DYM: variants seen among roughly 807,000 people sequenced by gnomAD.
DYM encodes dyggve-Melchior-Clausen syndrome protein.
In DYM, 78 loss-of-function variants were observed where a neutral mutation model predicts 93.1. The ratio of observed to expected loss-of-function variants is 0.84; its 90% CI spans 0.70 to 1.01. The LOEUF is 1.01. Among genes scored for constraint, DYM ranks in the 50% least tolerant of loss-of-function variants. The pLI is 0.00. For missense variants in DYM, 789 were observed against 845.0 expected (o/e 0.93, Z 0.82); for synonymous variants, 321 against 319.7 (o/e 1.00, Z -0.04).
At chr18:49,189,781 T>A (rs2090797276) in intron 14 of DYM, among the ~76,000 whole-genome samples, 1 of 152,128 alleles carries the variant, frequency 6.6e-6, no homozygotes, top group Admixed American at 6.5e-5. Context: ...GAAAACTAGA[T>A]GGTGAGGGTG....
At chr18:49,455,013 T>TA (rs1342509930) in intron 1 of DYM, among the ~76,000 whole-genome samples, 1 of 151,814 alleles carries the variant, frequency 6.6e-6, no homozygotes, top group African/African-American at 2.4e-5. Context: ...TCCTTTCTTC[T>TA]ATTAGACTTT....
At chr18:49,435,609 G>A (rs564847723) in intron 1 of DYM, among the ~76,000 whole-genome samples, 18 of 152,088 alleles carry the variant, frequency 1.2e-4, no homozygotes, top group African/African-American at 3.9e-4. Context: ...CCAACATAGT[G>A]AAACCCCATC....
At chr18:49,440,958 ATATTATATT>A in intron 1 of DYM, among the ~76,000 whole-genome samples, 1 of 154 alleles carries the variant, frequency 6.5e-3, no homozygotes, top group Non-Finnish European at 0.017. Context: ...TTATATAAAT[ATATTATATT>A]TATATAATAT....
At chr18:49,424,038 C>T (rs1159675156) in intron 2 of DYM, among the ~76,000 whole-genome samples, 1 of 150,294 alleles carries the variant, frequency 6.7e-6, no homozygotes, top group African/African-American at 2.4e-5. Context: ...TCCTCCCTAA[C>T]TCATTTTATG....
At chr18:49,233,604 G>T (rs1351291033) in intron 13 of DYM, among the ~76,000 whole-genome samples, 1 of 152,148 alleles carries the variant, frequency 6.6e-6, no homozygotes, top group African/African-American at 2.4e-5. Flanking sequence ...CAGTTTGCTG[G>T]TTTCCAATGA....
At chr18:49,318,382 G>A (rs1229692753) in intron 8 of DYM, among the ~76,000 whole-genome samples, 1 of 152,194 alleles carries the variant, frequency 6.6e-6, no homozygotes. Context: ...CACTTTGGGA[G>A]GCCAAGGCAG....
At chr18:49,410,317 C>T (rs1043188365) in intron 2 of DYM, among the ~76,000 whole-genome samples, 20 of 151,942 alleles carry the variant, frequency 1.3e-4, no homozygotes, top group Admixed American at 8.5e-4. Flanking sequence ...TGCCTTGACC[C>T]CCAAAGTACT....
intron 16 of DYM, among the ~76,000 whole-genome samples, chr18:49,104,372 A>G (rs915403502): frequency 6.6e-6 from 1 of 152,140 alleles, no homozygotes; most frequent in Non-Finnish European, 1.5e-5. Flanking sequence ...GGACAATTTG[A>G]CTTCCTCTTT....
chr18:49,266,103 A>G (rs2094566243), intron 11 of DYM, among the ~76,000 whole-genome samples: 1 of 152,122 alleles, frequency 6.6e-6, no homozygotes, highest in South Asian at 2.1e-4. Flanking sequence ...CTCTGTCTCA[A>G]AAAAATTTTT....
In DYM at chr18:49,378,995, C is replaced by T. The variant is rs1317889650; in HGVS notation, c.288-295G>A. Among the ~76,000 whole-genome samples the T allele has an allele frequency of 3.3e-5, 5 of 151,960 alleles. No homozygotes were observed. In the East Asian group the frequency reaches 5.8e-4, roughly 18 times the overall value. ...TCTTAATAGGTATACCACGTACATG[C>T]GATTAAAAGAGAAGAAAGCTACCAA... On this transcript the variant is annotated intron_variant, in intron 4 of 17. Coordinates refer to ENST00000675505, the MANE Select transcript of DYM (RefSeq NM_001353214.3).
intron 17 of DYM, among the ~76,000 whole-genome samples, chr18:49,063,666 G>A (rs183550892): frequency 1.1e-4 from 14 of 124,168 alleles, no homozygotes; most frequent in Admixed American, 7.2e-4. Flanking sequence ...AGCTCTTGTC[G>A]CCCAGGATGG....
chr18:49,355,727 AT>A (rs1313514850), intron 6 of DYM, among the ~76,000 whole-genome samples: 43 of 151,942 alleles, frequency 2.8e-4, no homozygotes, highest in Middle Eastern at 3.4e-3. Flanking sequence ...CAAACAACTA[AT>A]TTTTTTTCTT....
chr18:49,393,786 T>C (rs1042498406), intron 2 of DYM: 1 of 151,548 alleles, frequency 6.6e-6, no homozygotes, highest in Admixed American at 6.6e-5. Context: ...AAAATAATAA[T>C]AAAAATAAAT....
intron 14 of DYM, among the ~76,000 whole-genome samples, chr18:49,178,060 C>T (rs949988963): frequency 6.6e-6 from 1 of 152,028 alleles, no homozygotes; most frequent in Non-Finnish European, 1.5e-5. Context: ...AAACCGAAAC[C>T]ACAAAGAGAG....
intron 11 of DYM, among the ~76,000 whole-genome samples, chr18:49,271,489 T>G (rs1175377604): frequency 6.6e-6 from 1 of 152,132 alleles, no homozygotes; most frequent in Non-Finnish European, 1.5e-5. Flanking sequence ...AGTTAATGTC[T>G]GCAACTGAAA....
At chr18:49,293,448 A>T (rs1331142512) in intron 8 of DYM, among the ~76,000 whole-genome samples, 1 of 152,182 alleles carries the variant, frequency 6.6e-6, no homozygotes, top group African/African-American at 2.4e-5. Flanking sequence ...CACCAACAGT[A>T]TAAAAGCATT....
At chr18:49,195,432 G>T (rs968972615) in intron 14 of DYM, among the ~76,000 whole-genome samples, 4 of 152,002 alleles carry the variant, frequency 2.6e-5, no homozygotes. Context: ...CTAGTTTTTT[G>T]AGAATATACA....
At chr18:49,371,995 GA>G (rs1425502693) in intron 5 of DYM, among the ~76,000 whole-genome samples, 1 of 152,074 alleles carries the variant, frequency 6.6e-6, no homozygotes, top group Admixed American at 6.5e-5. Flanking sequence ...TTGGAATAAA[GA>G]AAAAAATGCT....
chr18:49,224,222 GGA>G (rs1399244674), intron 13 of DYM, among the ~76,000 whole-genome samples: 1 of 152,026 alleles, frequency 6.6e-6, no homozygotes, highest in Non-Finnish European at 1.5e-5. Context: ...CGGCAACAGA[GGA>G]AGAGGATCAA....
Sources: allele counts gnomAD v4.1 joint callset (sites outside exome capture counted in the v4.1 genomes callset), GRCh38; gene constraint gnomAD v4.1.1; transcripts MANE v1.5; gene names NCBI Gene and HGNC (gene_info 2026-07-23, HGNC 2026-07-21).